The following TMEM132E variants were observed in gnomAD, a reference collection of about 807,000 sequenced individuals.
TMEM132E encodes the protein transmembrane protein 132E.
In TMEM132E, 49 loss-of-function variants were observed where a neutral mutation model predicts 78.5. The ratio of observed to expected loss-of-function variants is 0.62; its 90% CI spans 0.50 to 0.79. The LOEUF is 0.79. Ranked by LOEUF, TMEM132E falls within the 30% of genes least tolerant of loss-of-function variation. TMEM132E has a pLI of 0.00. For missense variants in TMEM132E, 1,403 were observed against 1,470.9 expected, an observed-to-expected ratio of 0.95 and a Z score of 0.75; for synonymous variants, 715 against 670.6, an observed-to-expected ratio of 1.07 and a Z score of -1.02.
In TMEM132E at chr17:34,638,284, G is replaced by C; in HGVS notation, c.*52G>C. On this transcript the variant is annotated 3_prime_UTR_variant, in exon 9 of 9. Transcript: ENST00000631683. ...CCCCCCCCCAACGGGGTCAGCTCGG[G>C]GTAGGACACAGCCGGGACCCCGGTT... 2 of 1,463,174 alleles carry C rather than the reference G, an allele frequency of 1.4e-6. No individual in the cohort carries two copies. Among genetic ancestry groups the C allele is most frequent in the Non-Finnish European group, 1.8e-6 (2 of 1,103,146 alleles). 90.6% of individuals were successfully genotyped at this position (1,463,174 alleles called of 1,614,324 possible). A position where few individuals can be genotyped will look rare whatever the true frequency, so the allele number is the denominator to read the frequency against.
rs3948672 is a variant in TMEM132E, at chr17:34,598,886, G to A, written c.67+17743G>A. Among the ~76,000 whole-genome samples, 1,480 of 152,072 alleles carry A rather than the reference G, an allele frequency of 9.7e-3. 29 individuals carry two copies. Among genetic ancestry groups the A allele is most frequent in the South Asian group, 0.06 (288 of 4,810 alleles). On this transcript the variant is annotated intron_variant, in intron 1 of 8. Transcript: ENST00000631683. Reference sequence around the variant, plus strand: ...GAACTACAGCACTCTTGATTGTCCCGCCAGAAGAGATGCTGAGCGATCCAG... The same window carrying A: ...GAACTACAGCACTCTTGATTGTCCCACCAGAAGAGATGCTGAGCGATCCAG...
At chr17:34,612,521 C>T (rs1038544358) in intron 1 of TMEM132E, among the ~76,000 whole-genome samples, 56 of 152,350 alleles carry the variant, frequency 3.7e-4, no homozygotes, top group African/African-American at 1.3e-3. Flanking sequence ...GCCACTAAAC[C>T]TCTGGGATCT....
At chr17:34,595,772 G>A (rs187230653) in intron 1 of TMEM132E, among the ~76,000 whole-genome samples, 31 of 152,284 alleles carry the variant, frequency 2.0e-4, no homozygotes, top group African/African-American at 7.0e-4. Context: ...ATTGACAGGG[G>A]CAGCAACGCC....
chr17:34,633,752 C>T lies in TMEM132E; in HGVS notation c.1688+843C>T, dbSNP rs141252409. On this transcript the variant is annotated intron_variant, in intron 6 of 8. Transcript: ENST00000631683. ...TGCCTCTCAAACTTTAATGTGTACA[C>T]GAATCACCTGGGGATCTCAGTAAAA... 2.6e-5 allele frequency among the ~76,000 whole-genome samples: 4 copies of T among 152,296 alleles called. No homozygotes were observed. The East Asian group carries it at 5.8e-4, about 22-fold the overall frequency.
Position 34,611,906 on chromosome 17 carries a change from A to G in TMEM132E, c.68-14221A>G, listed in dbSNP as rs189577970. 4.3e-4 allele frequency among the ~76,000 whole-genome samples: 65 copies of G among 152,184 alleles called. No homozygotes were observed. The East Asian group carries it at 4.8e-3, about 11-fold the overall frequency. ...CTTTTCTGGGCCTTGTCACCACCCT[A>G]TGGGGCAGAGAAGGGAGGTTAGCCT... On this transcript the variant is annotated intron_variant, in intron 1 of 8. Transcript: ENST00000631683.
chr17:34,580,078 G>A lies in TMEM132E; in HGVS notation c.-999G>A, dbSNP rs1319737366. ...GCGGGGCAGCGCGCCTCTCTGCCGA[G>A]ACAGCGAGACCTTAGCGGGGTGGCC... On this transcript the variant is annotated 5_prime_UTR_variant, in exon 1 of 9. Coordinates refer to ENST00000631683, the MANE Select transcript of TMEM132E (RefSeq NM_001304438.2). The A allele has an allele frequency of 1.3e-5, 2 of 152,584 alleles. No homozygotes were observed. Among genetic ancestry groups the A allele is most frequent in the Non-Finnish European group, 1.5e-5 (1 of 68,320 alleles). The allele number at this position is 152,584 out of a possible 1,614,324, so 9.5% of individuals were successfully genotyped here.
rs973187749 is a variant in TMEM132E, at chr17:34,581,196, G to A, written c.67+53G>A. 2.0e-5 allele frequency: 29 copies of A among 1,452,104 alleles called. No homozygotes were observed. The Admixed American group carries it at 6.6e-4, about 33-fold the overall frequency. The allele number at this position is 1,452,104 out of a possible 1,614,324, so 90.0% of individuals were successfully genotyped here. A position where few individuals can be genotyped will look rare whatever the true frequency, so the allele number is the denominator to read the frequency against. On this transcript the variant is annotated intron_variant, in intron 1 of 8. Transcript: ENST00000631683. ...GAGGATGCGGCAGGCGCCACTGGAGGGGGTACGGGGAAGACTGGGGAGAGG... is the reference window on the plus strand; with the variant it reads ...GAGGATGCGGCAGGCGCCACTGGAGAGGGTACGGGGAAGACTGGGGAGAGG...
At chr17:34,622,751 C>T (rs954942776) in intron 1 of TMEM132E, among the ~76,000 whole-genome samples, 2 of 152,168 alleles carry the variant, frequency 1.3e-5, no homozygotes, top group Non-Finnish European at 2.9e-5. Context: ...TGTGCCAGGC[C>T]ATGTTGTAAG....
At position 34,626,536 on chromosome 17, in the gene TMEM132E, C is replaced by A. The variant is rs776419866; in HGVS notation, c.477C>A (p.Thr159=). 3 of 1,599,150 alleles carry A rather than the reference C, an allele frequency of 1.9e-6. No homozygotes were observed. In the East Asian group the frequency reaches 6.7e-5, roughly 36 times the overall value. The part of the protein sequence containing the change: ...AGRDWDDFGV[T]ERLPCVRLHA... Reference sequence around the variant, plus strand: ...GGGACTGGGACGACTTCGGCGTCACCGAGCGGCTGCCCTGTGTCCGCCTGC... The same window carrying A: ...GGGACTGGGACGACTTCGGCGTCACAGAGCGGCTGCCCTGTGTCCGCCTGC... Residue 159 remains threonine (T), a synonymous_variant, in exon 2 of 9, where the codon ACC becomes ACA. Coordinates refer to ENST00000631683, the MANE Select transcript of TMEM132E (RefSeq NM_001304438.2).
In TMEM132E at chr17:34,617,251, G is replaced by A. The variant is rs113455791; in HGVS notation, c.68-8876G>A. Among the ~76,000 whole-genome samples the A allele has an allele frequency of 6.2e-3, 952 of 152,340 alleles. 8 individuals carry two copies. The highest frequency in any genetic ancestry group is 0.022 in the African/African-American group (894 of 41,580). On this transcript the variant is annotated intron_variant, in intron 1 of 8. Coordinates refer to ENST00000631683, the MANE Select transcript of TMEM132E (RefSeq NM_001304438.2). The stretch of plus-strand genomic sequence containing the variant: ...AAGGAAAGAAACTGCCCAAGGTTAC[G>A]CAGCAGATCAGTGACAGAGCTTTCT...
intron 1 of TMEM132E, among the ~76,000 whole-genome samples, chr17:34,599,031 G>A (rs368420144): frequency 3.9e-5 from 6 of 152,318 alleles, no homozygotes; most frequent in East Asian, 1.9e-4. Flanking sequence ...GAGTCCAGGC[G>A]GATGAAAATA....
intron 1 of TMEM132E, among the ~76,000 whole-genome samples, chr17:34,582,439 G>A (rs992503881): frequency 6.6e-6 from 1 of 152,118 alleles, no homozygotes; most frequent in Admixed American, 6.5e-5. Context: ...TAGGGTCCTG[G>A]GGCTAGGAGG....
chr17:34,631,078 G>A (rs576895295), intron 5 of TMEM132E, among the ~76,000 whole-genome samples: 1 of 152,348 alleles, frequency 6.6e-6, no homozygotes, highest in Non-Finnish European at 1.5e-5. Flanking sequence ...AACTGAATTT[G>A]TTCTTGCTCC....
At chr17:34,613,410 G>A (rs1221351611) in intron 1 of TMEM132E, among the ~76,000 whole-genome samples, 1 of 145,716 alleles carries the variant, frequency 6.9e-6, no homozygotes, top group Non-Finnish European at 1.5e-5. Flanking sequence ...TGCTTAGCTG[G>A]CTGGGTTCCC....
chr17:34,613,174 T>TCTACAC (rs1491423933), intron 1 of TMEM132E, among the ~76,000 whole-genome samples: 2 of 109,176 alleles, frequency 1.8e-5, no homozygotes, highest in East Asian at 3.7e-4. Flanking sequence ...TCTCTCTCTC[T>TCTACAC]ACACACACAC....
At position 34,637,556 on chromosome 17, in the gene TMEM132E, C is replaced by T. The variant is rs760353389; in HGVS notation, c.2549C>T (p.Pro850Leu). The T allele has an allele frequency of 2.5e-6, 4 of 1,599,730 alleles. No homozygotes were observed. In the Admixed American group the frequency reaches 5.0e-5, roughly 20 times the overall value. Reference protein sequence around the residue: ...RGAGPPGSALPAPEAPGPGTA... With the variant: ...RGAGPPGSALLAPEAPGPGTA... Reference sequence around the variant, plus strand: ...GCTGGCCCGCCGGGCTCTGCGCTACCCGCACCGGAGGCTCCAGGCCCGGGC... The same window carrying T: ...GCTGGCCCGCCGGGCTCTGCGCTACTCGCACCGGAGGCTCCAGGCCCGGGC... Residue 850 changes from proline to leucine, a missense_variant, in exon 9 of 9, where the codon CCC (proline) becomes CTC (leucine). By Grantham distance (98) the Pro-to-Leu change is moderately conservative. Coordinates refer to ENST00000631683, the MANE Select transcript of TMEM132E (RefSeq NM_001304438.2).
chr17:34,595,167 G>T (rs568590477), intron 1 of TMEM132E, among the ~76,000 whole-genome samples: 2 of 152,234 alleles, frequency 1.3e-5, no homozygotes, highest in Non-Finnish European at 2.9e-5. Context: ...CCAGAGCTTT[G>T]CCCATTCAGC....
At chr17:34,590,787 G>T (rs980397958) in intron 1 of TMEM132E, among the ~76,000 whole-genome samples, 6 of 152,216 alleles carry the variant, frequency 3.9e-5, no homozygotes, top group Non-Finnish European at 7.3e-5. Flanking sequence ...CTGGGGAGGT[G>T]TAGAGAGTTA....
Position 34,636,024 on chromosome 17 carries a change from G to A in TMEM132E, c.1995G>A (p.Thr665=), listed in dbSNP as rs777105394. Residue 665 remains threonine (T), a synonymous_variant, in exon 8 of 9, where the codon ACG becomes ACA. Coordinates refer to ENST00000631683, the MANE Select transcript of TMEM132E (RefSeq NM_001304438.2). ...TTPFKVVSPL[T]EAVLGETLLT... is the part of the protein sequence containing the mutation. ...TGCCTCAGGTGGTGTCTCCGCTGACGGAGGCTGTGCTCGGGGAGACGCTGC... is the reference window on the plus strand; with the variant it reads ...TGCCTCAGGTGGTGTCTCCGCTGACAGAGGCTGTGCTCGGGGAGACGCTGC... The A allele has an allele frequency of 3.8e-5, 57 of 1,516,258 alleles. No individual in the cohort carries two copies. Among genetic ancestry groups the A allele is most frequent in the Non-Finnish European group, 4.3e-5 (49 of 1,133,912 alleles). The allele number at this position is 1,516,258 out of a possible 1,614,324, so 93.9% of individuals were successfully genotyped here.
Sources: allele counts gnomAD v4.1 joint callset (sites outside exome capture counted in the v4.1 genomes callset), GRCh38; gene constraint gnomAD v4.1.1; transcripts MANE v1.5; gene names NCBI Gene and HGNC (gene_info 2026-07-23, HGNC 2026-07-21).